FOXJ3: variants seen among roughly 807,000 people sequenced by gnomAD.
The protein encoded by FOXJ3 is forkhead box J3, also known as forkhead box protein J3.
In FOXJ3, 22 loss-of-function variants were observed where a neutral mutation model predicts 76.1. The ratio of observed to expected loss-of-function variants is 0.29; its 90% CI spans 0.21 to 0.41. The LOEUF is 0.41. Ranked by LOEUF, FOXJ3 falls within the 10% of genes least tolerant of loss-of-function variation. The pLI is 1.00. For missense variants in FOXJ3, 613 were observed against 762.1 expected, an observed-to-expected ratio of 0.80 and a Z score of 2.30; for synonymous variants, 269 against 261.2, an observed-to-expected ratio of 1.03 and a Z score of -0.29.
At chr1:42,180,634 C>T (rs1646300409) in intron 12 of FOXJ3, among the ~76,000 whole-genome samples, 1 of 151,836 alleles carries the variant, frequency 6.6e-6, no homozygotes, top group Non-Finnish European at 1.5e-5. Context: ...ACTCATTTTT[C>T]TCATATGCCC....
At chr1:42,288,267 TAA>T (rs1265177880) in intron 2 of FOXJ3, among the ~76,000 whole-genome samples, 1 of 152,222 alleles carries the variant, frequency 6.6e-6, no homozygotes, top group Admixed American at 6.5e-5. Context: ...AGCCGTAATT[TAA>T]AAACTCAGAA....
intron 1 of FOXJ3, chr1:42,334,002 T>TA (rs1656311971): frequency 1.0e-5 from 2 of 191,706 alleles, no homozygotes; most frequent in Middle Eastern, 2.5e-3. Context: ...CTTCAGGAAT[T>TA]AGAGTGAATG....
rs1325265198 is a variant in FOXJ3, at chr1:42,179,818, G to C, written c.1761C>G (p.His587Gln). Residue 587 changes from histidine (H) to glutamine (Q), a missense_variant, in exon 13 of 13, where the codon CAC (histidine) becomes CAG (glutamine). By Grantham distance (24) the His-to-Gln change is conservative. This residue lies in a region of FOXJ3 where 526 missense variants were observed against 601.4 expected (regional missense o/e 0.87). Coordinates refer to ENST00000361346, the MANE Select transcript of FOXJ3 (RefSeq NM_014947.5). ...TCATGTGCTGCTGGTTCATGGCTCTGTGATGGCCTGGAAGGAAAGAGGCAA... is the reference window on the plus strand; with the variant it reads ...TCATGTGCTGCTGGTTCATGGCTCTCTGATGGCCTGGAAGGAAAGAGGCAA... ...STPGTTMAGHHRAMNQQHMMP... is the reference protein window; with the variant it reads ...STPGTTMAGHQRAMNQQHMMP... The C allele has an allele frequency of 6.2e-7, 1 of 1,611,846 alleles. No homozygotes were observed. Among genetic ancestry groups the C allele is most frequent in the Non-Finnish European group, 8.5e-7 (1 of 1,177,950 alleles).
chr1:42,237,700 C>T (rs1173464012), intron 4 of FOXJ3, among the ~76,000 whole-genome samples: 1 of 151,320 alleles, frequency 6.6e-6, no homozygotes, highest in Non-Finnish European at 1.5e-5. Flanking sequence ...AATTTGCCTA[C>T]TCCAAGATAG....
intron 4 of FOXJ3, among the ~76,000 whole-genome samples, chr1:42,262,224 A>T (rs928607143): frequency 6.6e-6 from 1 of 152,206 alleles, no homozygotes; most frequent in African/African-American, 2.4e-5. Flanking sequence ...ACCTGGCTCC[A>T]GTTCTTCCTT....
chr1:42,182,533 T>G (rs937251397), intron 11 of FOXJ3, among the ~76,000 whole-genome samples: 1 of 152,154 alleles, frequency 6.6e-6, no homozygotes, highest in African/African-American at 2.4e-5. Context: ...GGTCTCACTC[T>G]GTCACCCAGG....
chr1:42,287,069 G>A (rs546876454), intron 2 of FOXJ3, among the ~76,000 whole-genome samples: 10 of 152,074 alleles, frequency 6.6e-5, no homozygotes, highest in East Asian at 5.8e-4. Flanking sequence ...GCTGGGATGC[G>A]GTGGCTCACA....
intron 6 of FOXJ3, among the ~76,000 whole-genome samples, chr1:42,199,596 G>T (rs1325955656): frequency 6.7e-6 from 1 of 148,918 alleles, no homozygotes; most frequent in Non-Finnish European, 1.5e-5. Flanking sequence ...CTGTCTATCA[G>T]AATTTTAGAA....
At chr1:42,322,938 G>A (rs1010486911) in intron 1 of FOXJ3, among the ~76,000 whole-genome samples, 4 of 152,004 alleles carry the variant, frequency 2.6e-5, no homozygotes, top group South Asian at 2.1e-4. Flanking sequence ...AGGGTTTTTC[G>A]TTTTGTTTTA....
At chr1:42,310,263 A>G (rs1313503077) in intron 2 of FOXJ3, among the ~76,000 whole-genome samples, 1 of 150,586 alleles carries the variant, frequency 6.6e-6, no homozygotes, top group East Asian at 2.0e-4. Context: ...CTCCTATCTC[A>G]GCCTCCCGAG....
intron 6 of FOXJ3, among the ~76,000 whole-genome samples, chr1:42,201,343 T>A (rs1039550909): frequency 6.6e-6 from 1 of 152,228 alleles, no homozygotes; most frequent in Non-Finnish European, 1.5e-5. Context: ...GTTTTCAGTA[T>A]TTCACCATTT....
intron 5 of FOXJ3, among the ~76,000 whole-genome samples, chr1:42,224,577 C>A (rs1647396057): frequency 6.6e-6 from 1 of 151,840 alleles, no homozygotes; most frequent in Admixed American, 6.6e-5. Context: ...TCACTTGAAC[C>A]CAGGAGGCAG....
At chr1:42,190,763 G>T (rs1557622199) in intron 9 of FOXJ3, among the ~76,000 whole-genome samples, 1 of 152,212 alleles carries the variant, frequency 6.6e-6, no homozygotes, top group Non-Finnish European at 1.5e-5. Flanking sequence ...AAGAGGAAGA[G>T]GAGGCTCCTT....
chr1:42,305,297 T>G (rs987190960), intron 2 of FOXJ3, among the ~76,000 whole-genome samples: 2 of 152,130 alleles, frequency 1.3e-5, no homozygotes, highest in Non-Finnish European at 2.9e-5. Context: ...ACACTGTTGG[T>G]GGGAATGTGT....
rs1656178871 is a variant in FOXJ3, at chr1:42,331,787, T to G, written c.-18+3272A>C. ...CACTGACTTGTATACTTTAAATGTG[T>G]GAATGAAATGGTATGTGAATTATAC... On this transcript the variant is annotated intron_variant, in intron 1 of 12. Transcript: ENST00000361346. Among the ~76,000 whole-genome samples, 3 of 151,406 alleles carry G rather than the reference T, an allele frequency of 2.0e-5. No individual in the cohort carries two copies. The South Asian group carries it at 6.3e-4, about 32-fold the overall frequency.
chr1:42,327,479 C>T (rs1467846548), intron 1 of FOXJ3, among the ~76,000 whole-genome samples: 3 of 152,178 alleles, frequency 2.0e-5, no homozygotes, highest in East Asian at 3.9e-4. Context: ...TTAATAAGCA[C>T]CCATGTACCA....
chr1:42,249,516 T>C (rs1649842339), intron 4 of FOXJ3, among the ~76,000 whole-genome samples: 1 of 152,176 alleles, frequency 6.6e-6, no homozygotes, highest in South Asian at 2.1e-4. Flanking sequence ...AAAGTCTGAG[T>C]AAAATGAGGC....
At chr1:42,217,130 T>C (rs1019600318) in intron 5 of FOXJ3, among the ~76,000 whole-genome samples, 2 of 152,200 alleles carry the variant, frequency 1.3e-5, no homozygotes, top group Non-Finnish European at 1.5e-5. Context: ...GCAAGAGGCA[T>C]CTTCAAATAA....
intron 4 of FOXJ3, among the ~76,000 whole-genome samples, chr1:42,250,298 CAT>C (rs1332857583): frequency 6.6e-6 from 1 of 152,190 alleles, no homozygotes; most frequent in Non-Finnish European, 1.5e-5. Flanking sequence ...GAAGGAATCA[CAT>C]GAGACTGAAT....
Sources: gnomAD v4.1 joint callset for allele counts (sites outside exome capture counted in the v4.1 genomes callset) on GRCh38, gnomAD v4.1.1 for gene constraint, gnomAD v4.1.1 regional missense constraint, MANE v1.5 for transcripts, NCBI Gene and HGNC (gene_info 2026-07-23, HGNC 2026-07-21) for gene names.